MICAL1: variants seen among roughly 807,000 people sequenced by gnomAD.
The protein encoded by MICAL1 is microtubule associated monooxygenase, calponin and LIM domain containing 1.
MICAL1 carries 95 observed loss-of-function variants against 131.8 expected under a neutral mutation model. That is an observed-to-expected ratio of 0.72 (90% confidence interval 0.61 to 0.86). The LOEUF is 0.86. Among genes scored for constraint, MICAL1 ranks in the 40% least tolerant of loss-of-function variants. The probability of loss-of-function intolerance (pLI) is 0.00; values close to 1 mark genes in which losing one functional copy is unlikely to be tolerated. For synonymous variants in MICAL1, 546 were observed against 554.2 expected (o/e 0.99, Z 0.21); for missense variants, 1,292 against 1,380.6 (o/e 0.94, Z 1.02).
chr6:109,465,713 A>C, exon 1 of MICAL1: 1 of 1,607,110 alleles, frequency 6.2e-7, no homozygotes, highest in Non-Finnish European at 8.5e-7. Flanking sequence ...GGGCATTATA[A>C]ACATCAGTTA....
upstream of MICAL1, among the ~76,000 whole-genome samples, chr6:109,457,511 G>C (rs1370920063): frequency 2.6e-5 from 4 of 151,400 alleles, no homozygotes; most frequent in Admixed American, 2.6e-4. Flanking sequence ...GAGGAATAAA[G>C]AGGAGGGTTG....
intron 18 of MICAL1, 109 bp from the exon 19 acceptor site, chr6:109,446,521 CT>C: frequency 6.8e-7 from 1 of 1,462,414 alleles, no homozygotes; most frequent in Non-Finnish European, 9.5e-7. Flanking sequence ...CAGTGTCTGG[CT>C]GTGTTTTAGA....
rs764837002 is a variant in MICAL1 at position 109,447,150 on chromosome 6, A to C, written c.2150T>G (p.Phe717Cys). 29 of 1,614,042 alleles carry C rather than the reference A, an allele frequency of 1.8e-5. No homozygotes were observed. The highest frequency in any genetic ancestry group is 2.3e-5 in the Non-Finnish European group (27 of 1,180,022). The part of the protein sequence containing the change: ...LERLCVNGHF[F>C]HRSCFRCHTC... ...ATGGCAGCGGAAGCAGCTCCGGTGG[A>C]AGAAATGGCCGTTGACACAGAGGCG... The change falls in exon 17 of 25, where the codon TTC becomes TGC. Residue 717 changes from phenylalanine to cysteine, a missense_variant. By Grantham distance (205) the Phe-to-Cys change is radical. Transcript: ENST00000358807.
rs912614311 is a variant in MICAL1, at chr6:109,444,348, A to C, written c.3056-9T>G. 2.5e-6 allele frequency: 4 copies of C among 1,613,214 alleles called. No homozygotes were observed. The highest frequency in any genetic ancestry group is 3.4e-6 in the Non-Finnish European group (4 of 1,180,036). Reference sequence around the variant, plus strand: ...AGCTGTCTTTAGGTTTTCTAAAAGGAGGAGACAAAGCTTAGAGAACAGGGA... The same window carrying C: ...AGCTGTCTTTAGGTTTTCTAAAAGGCGGAGACAAAGCTTAGAGAACAGGGA... On this transcript the variant is annotated splice_polypyrimidine_tract_variant and intron_variant, in intron 24 of 24. Transcript: ENST00000358807.
At chr6:109,462,771 AC>A (rs1775920589) in intron 1 of MICAL1, 1 of 152,204 alleles carries the variant, frequency 6.6e-6, no homozygotes, top group African/African-American at 2.4e-5. Flanking sequence ...CTGGGAGAAA[AC>A]CAAAGATTCA....
At position 109,444,220 on chromosome 6, in the gene MICAL1, G is replaced by A; in HGVS notation, c.3175C>T (p.Leu1059=). 1.2e-6 allele frequency: 2 copies of A among 1,613,502 alleles called. No homozygotes were observed. Among genetic ancestry groups the A allele is most frequent in the Non-Finnish European group, 1.7e-6 (2 of 1,180,014 alleles). Residue 1059 remains leucine, a synonymous_variant, in exon 25 of 25, where the codon CTG becomes TTG. Coordinates refer to ENST00000358807, the MANE Select transcript of MICAL1 (RefSeq NM_022765.4). ...RFQEERRLSE[L]ALGTGAQG is the part of the protein sequence containing the mutation. ...CCCTGGGCCCCTGTCCCCAAGGCCA[G>A]CTCGCTGAGCCTGCGCTCCTCCTGG...
chr6:109,449,568 C>T, intron 10 of MICAL1, 87 bp from the exon 11 acceptor site: 11 of 1,605,236 alleles, frequency 6.9e-6, no homozygotes, highest in Non-Finnish European at 9.4e-6. Flanking sequence ...GTAGGATTGA[C>T]CCCAAAGGGC....
intron 9 of MICAL1, 60 bp from the exon 10 acceptor site, chr6:109,449,843 C>T (rs1775458186): frequency 6.3e-7 from 1 of 1,584,230 alleles, no homozygotes; most frequent in Non-Finnish European, 8.6e-7. Flanking sequence ...CAGCACCCAC[C>T]TCTCAGGAAC....
At position 109,449,739 on chromosome 6, in the gene MICAL1, A is replaced by C; in HGVS notation, c.1352T>G (p.Met451Arg). ...QLLSQTSPENMHRNVAQYGLD... is the reference protein window; with the variant it reads ...QLLSQTSPENRHRNVAQYGLD... The stretch of plus-strand genomic sequence containing the variant: ...CCCATACTGGGCCACATTGCGATGC[A>C]TGTTTTCTGGGGATGTCTGTGACAG... The change falls in exon 10 of 25, where the codon ATG becomes AGG. Residue 451 changes from methionine (M) to arginine (R), a missense_variant. Transcript: ENST00000358807. 6.2e-6 allele frequency: 10 copies of C among 1,607,280 alleles called. No individual in the cohort carries two copies. The highest frequency in any genetic ancestry group is 8.5e-6 in the Non-Finnish European group (10 of 1,176,674).
intron 15 of MICAL1, 73 bp from the exon 16 acceptor site, chr6:109,447,513 C>T: frequency 1.9e-6 from 3 of 1,541,322 alleles, no homozygotes; most frequent in Non-Finnish European, 2.7e-6. Context: ...TACAGATGAA[C>T]ACAAGGGGCT....
Position 109,451,240 on chromosome 6 carries a change from G to A in MICAL1, c.933+360C>T, listed in dbSNP as rs957238517. On this transcript the variant is annotated intron_variant, in intron 7 of 24. Transcript: ENST00000358807. ...ACAATCTTGGCTCACTGCAACTTCC[G>A]CCTCCCAGGTTCAAATGATTCTCCT... Among the ~76,000 whole-genome samples, 5 of 149,334 alleles carry A rather than the reference G, an allele frequency of 3.3e-5. No homozygotes were observed. In the East Asian group the frequency reaches 5.9e-4, roughly 18 times the overall value.
rs1264708979 is a variant in MICAL1, at chr6:109,465,866, G to C, written c.-189C>G. ...TGTTTACAGGTCAGCTCTGCTCCTGGCCAAGTGGCGTTGGCTGGGGCACGT... is the reference window on the plus strand; with the variant it reads ...TGTTTACAGGTCAGCTCTGCTCCTGCCCAAGTGGCGTTGGCTGGGGCACGT... On this transcript the variant is annotated 5_prime_UTR_variant, in exon 1 of 25. Coordinates refer to the MICAL1 transcript ENST00000630715. The C allele has an allele frequency of 6.2e-7, 1 of 1,614,160 alleles. No homozygotes were observed. Among genetic ancestry groups the C allele is most frequent in the Middle Eastern group, 1.7e-4 (1 of 6,042 alleles).
chr6:109,456,973 T>A (rs746339133), upstream of MICAL1, among the ~76,000 whole-genome samples: 9 of 152,040 alleles, frequency 5.9e-5, no homozygotes, highest in Non-Finnish European at 8.8e-5. Flanking sequence ...GTGATACTGT[T>A]ACACTGGAAG....
Position 109,452,236 on chromosome 6 carries a change from G to T in MICAL1, c.832+10C>A, listed in dbSNP as rs753824906. ...AGGGGGAGGGGAAATTCAGCAAGAG[G>T]GTCCCTGACCTGTGGCTTTGAGAAG... On this transcript the variant is annotated intron_variant, in intron 6 of 24. Coordinates refer to ENST00000358807, the MANE Select transcript of MICAL1 (RefSeq NM_022765.4). The T allele has an allele frequency of 6.2e-7, 1 of 1,605,208 alleles. No homozygotes were observed. Among genetic ancestry groups the T allele is most frequent in the Non-Finnish European group, 8.5e-7 (1 of 1,174,338 alleles).
At position 109,464,997 on chromosome 6, in the gene MICAL1, C is replaced by T. The variant is rs1570391; in HGVS notation, c.14+667G>A. 2,938 of 152,174 alleles carry T rather than the reference C, an allele frequency of 0.019. 78 individuals carry two copies. The highest frequency in any genetic ancestry group is 0.099 in the East Asian group (516 of 5,188). The allele number at this position is 152,174 out of a possible 1,614,324, so 9.4% of individuals were successfully genotyped here. ...TTACACTGAATAAAGTTTTATGTTCCAGAATAGTGAAGAAAGCTTTACCTT... is the reference window on the plus strand; with the variant it reads ...TTACACTGAATAAAGTTTTATGTTCTAGAATAGTGAAGAAAGCTTTACCTT... On this transcript the variant is annotated intron_variant, in intron 1 of 24. Transcript: ENST00000630715.
intron 8 of MICAL1, 60 bp downstream of exon 8, chr6:109,450,240 T>G: frequency 2.5e-6 from 4 of 1,576,452 alleles, no homozygotes; most frequent in Middle Eastern, 2.1e-4. Flanking sequence ...TATCCCCTCC[T>G]CCATACTAGG....
At chr6:109,444,426 T>C in intron 24 of MICAL1, 87 bp from the exon 25 acceptor site, 1 of 1,567,850 alleles carries the variant, frequency 6.4e-7, no homozygotes, top group East Asian at 2.2e-5. Context: ...ATGTGATTTC[T>C]ATAACCCGGG....
At position 109,454,169 on chromosome 6, in the gene MICAL1, C is replaced by T. The variant is rs1251425750; in HGVS notation, c.28G>A (p.Ala10Thr). The T allele has an allele frequency of 1.2e-6, 2 of 1,608,054 alleles. No homozygotes were observed. Among genetic ancestry groups the T allele is most frequent in the South Asian group, 2.2e-5 (2 of 90,418 alleles). Residue 10 changes from alanine to threonine, a missense_variant, in exon 2 of 25, where the codon GCG becomes ACG. Physicochemically the swap from Ala to Thr is moderately conservative, Grantham distance 58. Transcript: ENST00000358807. MASPTSTNPAHAHFESFLQA... is the reference protein window; with the variant it reads MASPTSTNPTHAHFESFLQA... The stretch of plus-strand genomic sequence containing the variant: ...AGGAAGCTCTCAAAGTGGGCATGCG[C>T]TGGGTTGGTGGAGGTAGGTGAAGCC...
chr6:109,461,729 T>C (rs1257368392), intron 1 of MICAL1, among the ~76,000 whole-genome samples: 1 of 152,118 alleles, frequency 6.6e-6, no homozygotes, highest in Non-Finnish European at 1.5e-5. Flanking sequence ...GGGAAATAAA[T>C]TATGTATTTA....
Sources: gnomAD v4.1 joint callset for allele counts (sites outside exome capture counted in the v4.1 genomes callset) on GRCh38, gnomAD v4.1.1 for gene constraint, MANE v1.5 for transcripts, NCBI Gene and HGNC (gene_info 2026-07-23, HGNC 2026-07-21) for gene names.